The following FCHSD2 variants were observed in gnomAD, a reference collection of about 807,000 sequenced individuals.
FCHSD2 encodes the protein FCH and double SH3 domains 2.
Under a neutral mutation model 108.1 loss-of-function variants are expected in FCHSD2, and 38 were observed. The ratio of observed to expected loss-of-function variants is 0.35; its 90% confidence interval spans 0.27 to 0.46. The LOEUF is 0.46. Ranked by LOEUF, FCHSD2 falls within the 20% of genes least tolerant of loss-of-function variation. The probability of loss-of-function intolerance (pLI) is 1.00; values close to 1 mark genes in which losing one functional copy is unlikely to be tolerated. For synonymous variants in FCHSD2, 279 were observed against 314.7 expected (o/e 0.89, Z 1.20); for missense variants, 751 against 897.8 (o/e 0.84, Z 2.09).
intron 12 of FCHSD2, among the ~76,000 whole-genome samples, chr11:72,873,057 C>T (rs1387548149): frequency 6.6e-6 from 1 of 151,896 alleles, no homozygotes; most frequent in Non-Finnish European, 1.5e-5. Flanking sequence ...AGGCCAGGCA[C>T]GGTGGCTCAT....
chr11:72,947,029 C>T (rs1227835395), intron 8 of FCHSD2, among the ~76,000 whole-genome samples: 3 of 152,198 alleles, frequency 2.0e-5, no homozygotes, highest in African/African-American at 7.2e-5. Flanking sequence ...GCCTGCTTTC[C>T]CAGGCCCCAG....
chr11:73,034,516 A>C (rs924566684), intron 3 of FCHSD2, among the ~76,000 whole-genome samples: 4 of 152,246 alleles, frequency 2.6e-5, no homozygotes, highest in Non-Finnish European at 5.9e-5. Flanking sequence ...GCCTGTACCA[A>C]GGAAATAGAG....
chr11:73,092,271 G>A (rs565134858), intron 2 of FCHSD2, among the ~76,000 whole-genome samples: 4 of 152,010 alleles, frequency 2.6e-5, no homozygotes, highest in South Asian at 2.1e-4. Flanking sequence ...GGGACTATAG[G>A]TGTACACCAC....
intron 9 of FCHSD2, among the ~76,000 whole-genome samples, chr11:72,908,038 C>T (rs886196026): frequency 1.3e-5 from 2 of 152,202 alleles, no homozygotes; most frequent in South Asian, 2.1e-4. Context: ...GACTACCCTT[C>T]CCAGACTCTG....
At chr11:73,086,662 A>G (rs1859824150) in intron 2 of FCHSD2, among the ~76,000 whole-genome samples, 1 of 152,176 alleles carries the variant, frequency 6.6e-6, no homozygotes, top group East Asian at 1.9e-4. Flanking sequence ...TGGACTTAGG[A>G]AAAAAGGGAA....
intron 9 of FCHSD2, among the ~76,000 whole-genome samples, chr11:72,915,712 G>A (rs565563165): frequency 2.0e-5 from 3 of 152,272 alleles, no homozygotes; most frequent in South Asian, 4.1e-4. Flanking sequence ...CAGCTACTCG[G>A]GAGGCTGAGG....
At chr11:72,922,446 T>C (rs1855993256) in intron 8 of FCHSD2, among the ~76,000 whole-genome samples, 2 of 152,228 alleles carry the variant, frequency 1.3e-5, no homozygotes, top group East Asian at 3.9e-4. Flanking sequence ...GACTCAGAGA[T>C]ACTGCTTTGG....
At position 73,083,739 on chromosome 11, in the gene FCHSD2, T is replaced by C; in HGVS notation, c.121A>G (p.Thr41Ala). 6.5e-7 allele frequency: 1 copy of C among 1,538,404 alleles called. No individual in the cohort carries two copies. The highest frequency in any genetic ancestry group is 8.8e-7 in the Non-Finnish European group (1 of 1,135,368). ...AECDLLEDMR[T>A]FSQKKAAIER... is the part of the protein sequence containing the mutation. Reference sequence around the variant, plus strand: ...ATAGCAGCCTTCTTCTGACTGAATGTCCTAAAAATACAAAGAAAAATTAAT... The same window carrying C: ...ATAGCAGCCTTCTTCTGACTGAATGCCCTAAAAATACAAAGAAAAATTAAT... The change falls in exon 3 of 20, where the codon ACA becomes GCA. Residue 41 changes from threonine (T) to alanine (A), a missense_variant and splice_region_variant. Coordinates refer to ENST00000409418, the MANE Select transcript of FCHSD2 (RefSeq NM_014824.3).
At chr11:72,949,483 A>AAAAAGAAAAG (rs576112122) in intron 8 of FCHSD2, among the ~76,000 whole-genome samples, 9 of 151,948 alleles carry the variant, frequency 5.9e-5, no homozygotes, top group African/African-American at 1.7e-4. Flanking sequence ...GAAAGGAAAG[A>AAAAAGAAAAG]AAAAGAAAAG....
At chr11:72,968,517 T>G (rs1856954237) in intron 8 of FCHSD2, among the ~76,000 whole-genome samples, 1 of 152,242 alleles carries the variant, frequency 6.6e-6, no homozygotes, top group Non-Finnish European at 1.5e-5. Flanking sequence ...AGAATAACTG[T>G]GGCACATGTA....
At chr11:73,105,540 G>A (rs1860323107) in intron 2 of FCHSD2, among the ~76,000 whole-genome samples, 1 of 152,128 alleles carries the variant, frequency 6.6e-6, no homozygotes, top group Non-Finnish European at 1.5e-5. Flanking sequence ...CCTAACATTG[G>A]ATAAGTATCT....
chr11:73,094,384 T>C (rs78060984), intron 2 of FCHSD2, among the ~76,000 whole-genome samples: 133 of 152,320 alleles, frequency 8.7e-4, no homozygotes, highest in Non-Finnish European at 1.4e-3. Flanking sequence ...TAAACTTACA[T>C]TTATTTTGAT....
At chr11:73,000,281 C>A (rs1857601197) in intron 5 of FCHSD2, among the ~76,000 whole-genome samples, 1 of 152,020 alleles carries the variant, frequency 6.6e-6, no homozygotes, top group South Asian at 2.1e-4. Flanking sequence ...TTAATATTTT[C>A]TAAAGTATTA....
chr11:72,842,513 G>T, intron 17 of FCHSD2, 108 bp downstream of exon 17: 1 of 1,347,336 alleles, frequency 7.4e-7, no homozygotes, highest in South Asian at 1.4e-5. Flanking sequence ...CCAAGGACCG[G>T]TGAGGGTAAG....
intron 5 of FCHSD2, among the ~76,000 whole-genome samples, chr11:72,999,786 TGCA>T (rs1363889781): frequency 6.6e-6 from 1 of 152,102 alleles, no homozygotes; most frequent in Non-Finnish European, 1.5e-5. Flanking sequence ...AAATTTGAAA[TGCA>T]GTATTTCCTC....
At chr11:72,974,414 C>G (rs1165101990) in intron 8 of FCHSD2, among the ~76,000 whole-genome samples, 1 of 152,176 alleles carries the variant, frequency 6.6e-6, no homozygotes, top group Non-Finnish European at 1.5e-5. Context: ...TTTTAAAAGT[C>G]CCACTTCTCA....
intron 3 of FCHSD2, among the ~76,000 whole-genome samples, chr11:73,054,190 A>G (rs1344975330): frequency 6.6e-6 from 1 of 152,124 alleles, no homozygotes; most frequent in South Asian, 2.1e-4. Flanking sequence ...TGGCCCTCAA[A>G]GCATAAAATA....
At chr11:73,070,669 GC>G (rs1289494043) in intron 3 of FCHSD2, among the ~76,000 whole-genome samples, 2 of 151,614 alleles carry the variant, frequency 1.3e-5, no homozygotes, top group African/African-American at 4.9e-5. Flanking sequence ...CAAGTGATCT[GC>G]CCACCTTGGC....
chr11:72,930,332 G>A (rs1167588736), intron 8 of FCHSD2, among the ~76,000 whole-genome samples: 2 of 152,150 alleles, frequency 1.3e-5, no homozygotes, highest in East Asian at 1.9e-4. Context: ...AACTTTACTA[G>A]TGCCAACCTT....
Sources: allele counts gnomAD v4.1 joint callset (sites outside exome capture counted in the v4.1 genomes callset), GRCh38; gene constraint gnomAD v4.1.1; transcripts MANE v1.5; gene names NCBI Gene and HGNC (gene_info 2026-07-23, HGNC 2026-07-21).